Variants in RANBP17 observed in about 807,000 individuals in gnomAD.
RANBP17 encodes the protein ran-binding protein 17.
A neutral mutation model predicts 141.2 loss-of-function variants in RANBP17; 158 were observed. That is an observed-to-expected ratio of 1.12 (90% CI 0.98 to 1.28). The LOEUF is 1.28. RANBP17 is among the 50% of genes most tolerant of loss of function. The pLI, the probability that RANBP17 is intolerant of heterozygous loss-of-function variation, is 0.00. For missense variants in RANBP17, 1,438 were observed against 1,290.7 expected, an observed-to-expected ratio of 1.11 and a Z score of -1.75; for synonymous variants, 430 against 450.0, an observed-to-expected ratio of 0.96 and a Z score of 0.56.
intron 25 of RANBP17, among the ~76,000 whole-genome samples, chr5:171,277,633 G>GTATGTATGTA (rs1296292764): frequency 0.012 from 229 of 19,548 alleles, 2 homozygotes; most frequent in East Asian, 0.022. Context: ...ATACATATAT[G>GTATGTATGTA]TATGTATATA....
intron 14 of RANBP17, among the ~76,000 whole-genome samples, chr5:171,063,476 A>G (rs1431985658): frequency 1.3e-5 from 2 of 152,262 alleles, no homozygotes; most frequent in East Asian, 1.9e-4. Context: ...AGAACAGCAG[A>G]TTTTCGTGAA....
chr5:170,966,105 A>C (rs1776540449), intron 13 of RANBP17, among the ~76,000 whole-genome samples: 1 of 152,034 alleles, frequency 6.6e-6, no homozygotes, highest in South Asian at 2.1e-4. Context: ...GCCGAATTCT[A>C]CCAGAGGTAC....
chr5:171,123,649 G>T (rs988359368), intron 14 of RANBP17, among the ~76,000 whole-genome samples: 2 of 152,212 alleles, frequency 1.3e-5, no homozygotes, highest in Non-Finnish European at 2.9e-5. Context: ...GGCGAACATG[G>T]CCTGCTACTG....
intron 14 of RANBP17, among the ~76,000 whole-genome samples, chr5:171,045,029 G>A (rs957949426): frequency 6.6e-6 from 1 of 151,994 alleles, no homozygotes; most frequent in African/African-American, 2.4e-5. Flanking sequence ...GGCTAAAAAT[G>A]ATTCCTTTAA....
At chr5:170,929,711 A>T (rs1773193706) in intron 12 of RANBP17, among the ~76,000 whole-genome samples, 1 of 152,180 alleles carries the variant, frequency 6.6e-6, no homozygotes, top group African/African-American at 2.4e-5. Flanking sequence ...ACATGGTAAT[A>T]CTGGCTTCAT....
intron 14 of RANBP17, among the ~76,000 whole-genome samples, chr5:171,046,976 A>G (rs1435203503): frequency 6.8e-6 from 1 of 147,930 alleles, no homozygotes; most frequent in Non-Finnish European, 1.5e-5. Context: ...TGCCATTTTA[A>G]TGGGATTGTA....
At chr5:171,165,695 C>T (rs1759647154) in intron 14 of RANBP17, among the ~76,000 whole-genome samples, 1 of 152,094 alleles carries the variant, frequency 6.6e-6, no homozygotes, top group African/African-American at 2.4e-5. Context: ...CCCCTGCATT[C>T]CAGGAGTACA....
chr5:171,294,057 A>T (rs567314405), intron 26 of RANBP17, 76 bp downstream of exon 26: 3 of 1,085,118 alleles, frequency 2.8e-6, no homozygotes, highest in Non-Finnish European at 4.3e-6. Context: ...GTGAGCTGTG[A>T]TGACGAAGGA....
chr5:170,989,954 A>AC, intron 14 of RANBP17, among the ~76,000 whole-genome samples: 1 of 151,840 alleles, frequency 6.6e-6, no homozygotes, highest in South Asian at 2.1e-4. Context: ...CTTTAGTACT[A>AC]AAACAATGAG....
intron 14 of RANBP17, among the ~76,000 whole-genome samples, chr5:171,070,421 T>C (rs1238826413): frequency 6.6e-6 from 1 of 152,176 alleles, no homozygotes; most frequent in Non-Finnish European, 1.5e-5. Flanking sequence ...TCTGAATAAA[T>C]ATAATGTTAA....
chr5:171,070,188 T>C (rs1784553131), intron 14 of RANBP17, among the ~76,000 whole-genome samples: 1 of 152,182 alleles, frequency 6.6e-6, no homozygotes, highest in South Asian at 2.1e-4. Context: ...GAGAATGTTC[T>C]TACTTGTAGG....
At chr5:171,290,601 C>A (rs1384920659) in intron 25 of RANBP17, among the ~76,000 whole-genome samples, 1 of 152,130 alleles carries the variant, frequency 6.6e-6, no homozygotes, top group East Asian at 1.9e-4. Flanking sequence ...GTTTTCAGAA[C>A]AACAGAAACA....
chr5:171,263,266 C>T (rs893739061), intron 24 of RANBP17, among the ~76,000 whole-genome samples: 2 of 152,180 alleles, frequency 1.3e-5, no homozygotes, highest in African/African-American at 4.8e-5. Context: ...TCTGAGTCTA[C>T]CTGCTCACCA....
chr5:170,911,436 C>A (rs1309021254), intron 7 of RANBP17: 1 of 605,540 alleles, frequency 1.7e-6, no homozygotes, highest in South Asian at 1.8e-5. Flanking sequence ...TTCAGATAAA[C>A]AGAGTGGGAC....
chr5:171,091,978 A>G (rs1381175173), intron 14 of RANBP17, among the ~76,000 whole-genome samples: 1 of 152,208 alleles, frequency 6.6e-6, no homozygotes, highest in Non-Finnish European at 1.5e-5. Flanking sequence ...GGACTGGAAT[A>G]TGCACGGATT....
chr5:171,005,906 A>G (rs1464023392), intron 14 of RANBP17, among the ~76,000 whole-genome samples: 2 of 152,014 alleles, frequency 1.3e-5, no homozygotes, highest in African/African-American at 4.8e-5. Context: ...AAGAAAAAAA[A>G]CAAACAACCC....
At chr5:170,877,412 AC>A (rs1487339966) in intron 1 of RANBP17, among the ~76,000 whole-genome samples, 1 of 152,046 alleles carries the variant, frequency 6.6e-6, no homozygotes, top group East Asian at 1.9e-4. Context: ...CTACAGGTGT[AC>A]CCTACTATAC....
At chr5:170,907,094 C>T (rs1771128187) in intron 5 of RANBP17, among the ~76,000 whole-genome samples, 1 of 151,834 alleles carries the variant, frequency 6.6e-6, no homozygotes, top group South Asian at 2.1e-4. Flanking sequence ...CAGATAAATT[C>T]ATGTAGTATC....
intron 9 of RANBP17, among the ~76,000 whole-genome samples, chr5:170,917,371 A>G (rs566592447): frequency 6.6e-6 from 1 of 152,184 alleles, no homozygotes; most frequent in Non-Finnish European, 1.5e-5. Flanking sequence ...TTCATTGCCA[A>G]TATTCATTTC....
Sources: gnomAD v4.1 joint callset for allele counts (sites outside exome capture counted in the v4.1 genomes callset) on GRCh38, gnomAD v4.1.1 for gene constraint, MANE v1.5 for transcripts, NCBI Gene and HGNC (gene_info 2026-07-23, HGNC 2026-07-21) for gene names.